GPC4: variants seen among roughly 807,000 people sequenced by gnomAD.
The protein encoded by GPC4 is glypican 4.
In GPC4, 10 loss-of-function variants were observed where a neutral mutation model predicts 35.0. The observed-to-expected ratio is 0.29, with a 90% CI of 0.18 to 0.48. The LOEUF is 0.48. GPC4 is among the 20% of genes least tolerant of loss of function. GPC4 has a pLI of 0.99. For synonymous variants in GPC4, 167 were observed against 170.2 expected, an observed-to-expected ratio of 0.98 and a Z score of 0.15; for missense variants, 322 against 451.3, an observed-to-expected ratio of 0.71 and a Z score of 2.60.
chrX:133,400,520 G>A (rs2068764037), intron 1 of GPC4, among the ~76,000 whole-genome samples: 1 of 112,264 alleles, frequency 8.9e-6, no homozygotes, highest in African/African-American at 3.2e-5. Context: ...TGTGAGACCT[G>A]GCTTGTATCC....
At chrX:133,402,909 G>GA (rs11310772) in intron 1 of GPC4, among the ~76,000 whole-genome samples, 93 of 67,067 alleles carry the variant, frequency 1.4e-3, no homozygotes, top group East Asian at 4.0e-3. Context: ...GTCTCAAAAG[G>GA]AAAAAAAAAA....
intron 1 of GPC4, among the ~76,000 whole-genome samples, chrX:133,395,037 G>A (rs376789412): frequency 9.0e-6 from 1 of 111,512 alleles, no homozygotes; most frequent in East Asian, 2.8e-4. Flanking sequence ...ACCAGTTGGT[G>A]TTCCTATTTT....
chrX:133,348,191 G>T (rs566791797), intron 1 of GPC4, among the ~76,000 whole-genome samples: 1 of 112,007 alleles, frequency 8.9e-6, no homozygotes, highest in Admixed American at 9.5e-5. Flanking sequence ...TAAGCAAATT[G>T]TCAACCAAGG....
intron 1 of GPC4, among the ~76,000 whole-genome samples, chrX:133,363,360 A>C (rs759653285): frequency 9.0e-6 from 1 of 110,718 alleles, no homozygotes; most frequent in Non-Finnish European, 1.9e-5. Flanking sequence ...TTTTAAACAT[A>C]CAGCTCTTTT....
chrX:133,323,536 A>G (rs748393702), intron 3 of GPC4, among the ~76,000 whole-genome samples: 10 of 112,387 alleles, frequency 8.9e-5, no homozygotes, highest in Admixed American at 8.5e-4. Context: ...GAATTTCCCA[A>G]TGAGGAAACA....
chrX:133,309,826 T>C (rs1050198824), intron 4 of GPC4, among the ~76,000 whole-genome samples: 1 of 112,413 alleles, frequency 8.9e-6, no homozygotes, highest in East Asian at 2.8e-4. Context: ...GGAAATTCTA[T>C]GGGTTTTTAC....
chrX:133,364,416 C>T (rs1020372081), intron 1 of GPC4, among the ~76,000 whole-genome samples: 13 of 111,832 alleles, frequency 1.2e-4, no homozygotes, highest in African/African-American at 4.2e-4. Context: ...TTAAGCTTAA[C>T]ACAAGTTATT....
intron 1 of GPC4, among the ~76,000 whole-genome samples, chrX:133,354,568 ATTTT>A (rs77166014): frequency 2.1e-5 from 2 of 95,205 alleles, no homozygotes; most frequent in African/African-American, 8.4e-5. Context: ...TTATTTATTT[ATTTT>A]TTTTTTTGAG....
intron 3 of GPC4, among the ~76,000 whole-genome samples, chrX:133,319,241 C>T (rs941348497): frequency 9.2e-6 from 1 of 108,703 alleles, no homozygotes; most frequent in Non-Finnish European, 1.9e-5. Flanking sequence ...CCCAGGAATT[C>T]GAGACCAGCC....
chrX:133,311,575 CAT>C lies in GPC4; in HGVS notation c.712-154_712-153del, dbSNP rs1463774577. Reference sequence around the variant, plus strand: ...GTAAGCCTGGACTGCCTCCTGAAGACATAGATTAGATAAAAGATACATGTTGG... The same window carrying C: ...GTAAGCCTGGACTGCCTCCTGAAGACAGATTAGATAAAAGATACATGTTGG... On this transcript the variant is annotated intron_variant, in intron 3 of 8. Transcript: ENST00000370828. 5 of 536,021 alleles carry C rather than the reference CAT, an allele frequency of 9.3e-6. No individual in the cohort carries two copies. In the East Asian group the frequency reaches 1.8e-4, roughly 19 times the overall value. The allele number at this position is 536,021 out of a possible 1,213,427, so 44.2% of individuals were successfully genotyped here. A position where few individuals can be genotyped will look rare whatever the true frequency, so the allele number is the denominator to read the frequency against.
intron 6 of GPC4, 89 bp from the exon 7 acceptor site, chrX:133,304,950 A>C (rs1293300838): frequency 1.1e-6 from 1 of 887,222 alleles, no homozygotes; most frequent in East Asian, 3.1e-5. Flanking sequence ...TTTCCAAAGT[A>C]TCTCCAGAGT....
chrX:133,343,874 T>C (rs1321578242), intron 1 of GPC4, among the ~76,000 whole-genome samples: 1 of 111,209 alleles, frequency 9.0e-6, no homozygotes, highest in Non-Finnish European at 1.9e-5. Context: ...TCTTTTTTTT[T>C]GAGGCACTTC....
intron 1 of GPC4, among the ~76,000 whole-genome samples, chrX:133,396,900 T>C (rs753186111): frequency 1.8e-5 from 2 of 112,215 alleles, no homozygotes; most frequent in East Asian, 5.6e-4. Context: ...GGGAATAGTC[T>C]CTTTCCCTAT....
At chrX:133,352,987 T>C (rs2068523422) in intron 1 of GPC4, among the ~76,000 whole-genome samples, 1 of 111,885 alleles carries the variant, frequency 8.9e-6, no homozygotes, top group Admixed American at 9.5e-5. Context: ...TTTACTTCCT[T>C]AGAGAAGAAG....
intron 1 of GPC4, among the ~76,000 whole-genome samples, chrX:133,391,104 C>A (rs774210987): frequency 1.3e-4 from 15 of 112,154 alleles, no homozygotes; most frequent in Non-Finnish European, 2.4e-4. Flanking sequence ...TGTATACTGT[C>A]AAGTTTCTAG....
chrX:133,388,843 A>G (rs1326920136), intron 1 of GPC4, among the ~76,000 whole-genome samples: 1 of 110,271 alleles, frequency 9.1e-6, no homozygotes, highest in East Asian at 2.9e-4. Flanking sequence ...TATGTTGCTC[A>G]GGCTGGAGTG....
intron 1 of GPC4, among the ~76,000 whole-genome samples, chrX:133,371,533 A>C (rs1313366331): frequency 3.6e-5 from 4 of 111,936 alleles, no homozygotes; most frequent in African/African-American, 1.3e-4. Flanking sequence ...CCTGATGCTA[A>C]AATATGCTCA....
intron 1 of GPC4, among the ~76,000 whole-genome samples, chrX:133,379,016 T>A (rs1193737830): frequency 8.9e-6 from 1 of 112,527 alleles, no homozygotes; most frequent in Non-Finnish European, 1.9e-5. Context: ...GAATGTAAAC[T>A]GTAGTTGCCA....
At chrX:133,396,031 A>G (rs944794235) in intron 1 of GPC4, among the ~76,000 whole-genome samples, 3 of 112,021 alleles carry the variant, frequency 2.7e-5, no homozygotes, top group East Asian at 2.8e-4. Context: ...GTTATATGGT[A>G]TTAGAAGAAA....
Sources: gnomAD v4.1 joint callset for allele counts (sites outside exome capture counted in the v4.1 genomes callset) on GRCh38, gnomAD v4.1.1 for gene constraint, MANE v1.5 for transcripts, NCBI Gene and HGNC (gene_info 2026-07-23, HGNC 2026-07-21) for gene names.